FRMPD1: variants seen among roughly 807,000 people sequenced by gnomAD.
FRMPD1 encodes FERM and PDZ domain-containing protein 1.
In FRMPD1, 76 loss-of-function variants were observed where a neutral mutation model predicts 117.8. The ratio of observed to expected loss-of-function variants is 0.65; its 90% CI spans 0.54 to 0.78. The LOEUF is 0.78. Ranked by LOEUF, FRMPD1 falls within the 30% of genes least tolerant of loss-of-function variation. The pLI, the probability that FRMPD1 is intolerant of heterozygous loss-of-function variation, is 0.00. For synonymous variants in FRMPD1, 783 were observed against 770.4 expected (o/e 1.02, Z -0.27); for missense variants, 1,786 against 1,964.5 (o/e 0.91, Z 1.72).
At chr9:37,638,368 T>C in the FRMPD1 span, among the ~76,000 whole-genome samples, 424 of 152,262 alleles carry the variant, frequency 2.8e-3, 1 homozygote, top group African/African-American at 9.9e-3. Flanking sequence ...CCACTGCGTC[T>C]GGCCTGGTTT....
At chr9:37,710,959 CA>C (rs33962036) in intron 4 of FRMPD1, among the ~76,000 whole-genome samples, 32,036 of 107,266 alleles carry the variant, frequency 0.3, 3,142 homozygotes, top group East Asian at 0.51. Context: ...CTCTGTCTCA[CA>C]AAAAAAAAAA....
chr9:37,741,929 C>G (rs1263455513), intron 15 of FRMPD1, among the ~76,000 whole-genome samples: 2 of 152,212 alleles, frequency 1.3e-5, no homozygotes, highest in Admixed American at 6.5e-5. Flanking sequence ...CTTCCCAGGC[C>G]AGGGCAAGTC....
chr9:37,746,695 GC>G lies in FRMPD1; in HGVS notation c.4666del (p.Arg1556ValfsTer13). On this transcript the variant is annotated frameshift_variant, in exon 16 of 16. Transcript: ENST00000377765. LOFTEE classifies it high-confidence loss of function. Reference sequence around the variant, plus strand: ...CCACGACCTGAGTGTGAAACTCCTGGCCCGTCAGTGCACGGCCCTCACGGCC... The same window carrying G: ...CCACGACCTGAGTGTGAAACTCCTGGCCGTCAGTGCACGGCCCTCACGGCC... Reference protein sequence around the residue: ...GYHDLSVKLLARQCTALTAAV... With the variant: ...GYHDLSVKLLXRQCTALTAAV... 1 of 1,614,032 alleles carries G rather than the reference GC, an allele frequency of 6.2e-7. No individual in the cohort carries two copies. Among genetic ancestry groups the G allele is most frequent in the Non-Finnish European group, 8.5e-7 (1 of 1,180,038 alleles).
intron 5 of FRMPD1, among the ~76,000 whole-genome samples, chr9:37,718,573 G>A (rs1297110229): frequency 6.6e-6 from 1 of 152,198 alleles, no homozygotes; most frequent in African/African-American, 2.4e-5. Flanking sequence ...GGAGCCAAGG[G>A]TAAGTCATAA....
chr9:37,710,083 TACA>T (rs1422656661), intron 4 of FRMPD1, among the ~76,000 whole-genome samples: 2 of 152,198 alleles, frequency 1.3e-5, no homozygotes, highest in Non-Finnish European at 2.9e-5. Context: ...AACAAAAAGA[TACA>T]ACAACAATGC....
At chr9:37,610,715 C>T in the FRMPD1 span, among the ~76,000 whole-genome samples, 21 of 152,192 alleles carry the variant, frequency 1.4e-4, no homozygotes, top group East Asian at 3.5e-3. Context: ...CTGCCACAGC[C>T]TCCTGAGTAG....
the FRMPD1 span, among the ~76,000 whole-genome samples, chr9:37,612,681 A>G: frequency 6.6e-6 from 1 of 152,104 alleles, no homozygotes; most frequent in African/African-American, 2.4e-5. Flanking sequence ...TAGTAGAGAC[A>G]AGGTTTCACC....
At chr9:37,734,933 G>T (rs1824052372) in intron 12 of FRMPD1, among the ~76,000 whole-genome samples, 1 of 152,136 alleles carries the variant, frequency 6.6e-6, no homozygotes, top group Non-Finnish European at 1.5e-5. Flanking sequence ...TACCTTTCTT[G>T]TCTAAGGAAA....
chr9:37,740,145 C>G lies in FRMPD1; in HGVS notation c.1617C>G (p.Leu539=). 6.2e-7 allele frequency: 1 copy of G among 1,613,988 alleles called. No individual in the cohort carries two copies. The highest frequency in any genetic ancestry group is 8.5e-7 in the Non-Finnish European group (1 of 1,179,908). The change falls in exon 15 of 16, where the codon CTC becomes CTG. Residue 539 remains leucine (L), a synonymous_variant. Coordinates refer to ENST00000377765, the MANE Select transcript of FRMPD1 (RefSeq NM_014907.3). The surrounding 1 kb of genome is among the most constrained non-coding windows in gnomAD (Gnocchi z 4.2). ...AGGTGGACTGCGTACTCGAACCTCT[C>G]TCTGACAGGCGCCTGGTGAAACTGG... is the stretch of plus-strand genomic sequence containing the variant. ...SSEVDCVLEP[L]SDRRLVKLAP... is the part of the protein sequence containing the mutation.
At chr9:37,727,607 A>G (rs1404089688) in intron 7 of FRMPD1, among the ~76,000 whole-genome samples, 1 of 152,108 alleles carries the variant, frequency 6.6e-6, no homozygotes, top group Non-Finnish European at 1.5e-5. Flanking sequence ...CAGGCTTTCC[A>G]TTGGGGCCAG....
chr9:37,735,330 G>A (rs1824069866), intron 12 of FRMPD1, among the ~76,000 whole-genome samples: 1 of 152,202 alleles, frequency 6.6e-6, no homozygotes, highest in Non-Finnish European at 1.5e-5. Context: ...ATGTGTTTAT[G>A]GCTGTGGCTC....
At chr9:37,656,201 C>T (rs982624880) in intron 1 of FRMPD1, among the ~76,000 whole-genome samples, 1 of 152,088 alleles carries the variant, frequency 6.6e-6, no homozygotes, top group African/African-American at 2.4e-5. Flanking sequence ...GTGATTTTCC[C>T]GATATCTGAA....
At chr9:37,670,494 A>G (rs1322757897) in intron 1 of FRMPD1, among the ~76,000 whole-genome samples, 1 of 152,214 alleles carries the variant, frequency 6.6e-6, no homozygotes, top group African/African-American at 2.4e-5. Flanking sequence ...GGTAAATAAC[A>G]TTCTAGGCAA....
chr9:37,642,894 T>G, the FRMPD1 span, among the ~76,000 whole-genome samples: 1 of 152,212 alleles, frequency 6.6e-6, no homozygotes, highest in Non-Finnish European at 1.5e-5. Context: ...CCCATCTGTT[T>G]GTTCCCCATT....
At chr9:37,736,673 C>T (rs924037964) in intron 13 of FRMPD1, among the ~76,000 whole-genome samples, 2 of 152,114 alleles carry the variant, frequency 1.3e-5, no homozygotes, top group African/African-American at 4.8e-5. Flanking sequence ...CTCCCTCATT[C>T]TCCACATGTT....
intron 1 of FRMPD1, chr9:37,669,729 G>C (rs10758448): frequency 0.63 from 95,622 of 152,180 alleles, 31,754 homozygotes; most frequent in African/African-American, 0.85. Flanking sequence ...CGTGGTGGCT[G>C]ACTCCTGTAA....
the FRMPD1 span, among the ~76,000 whole-genome samples, chr9:37,627,723 T>A: frequency 1.3e-5 from 2 of 152,254 alleles, no homozygotes; most frequent in Non-Finnish European, 2.9e-5. Flanking sequence ...TTTTATTTTA[T>A]TATGCCTTCC....
At chr9:37,673,259 A>T (rs1337181675) in intron 1 of FRMPD1, among the ~76,000 whole-genome samples, 1 of 152,234 alleles carries the variant, frequency 6.6e-6, no homozygotes, top group Non-Finnish European at 1.5e-5. Flanking sequence ...TACAGGGCCC[A>T]TGCAAGTCCA....
At chr9:37,605,125 T>G in the FRMPD1 span, among the ~76,000 whole-genome samples, 1 of 152,230 alleles carries the variant, frequency 6.6e-6, no homozygotes, top group Non-Finnish European at 1.5e-5. Context: ...CCTTTTGATA[T>G]TGTATATGAC....
Sources: allele counts gnomAD v4.1 joint callset (sites outside exome capture counted in the v4.1 genomes callset), GRCh38; gene constraint gnomAD v4.1.1; non-coding constraint Gnocchi (gnomAD v3.1); transcripts MANE v1.5; gene names NCBI Gene and HGNC (gene_info 2026-07-23, HGNC 2026-07-21).